Variants in ALMS1 observed in about 807,000 individuals in gnomAD.
ALMS1 encodes centrosome-associated protein ALMS1.
Under a neutral mutation model 352.2 loss-of-function variants are expected in ALMS1, and 271 were observed. The observed-to-expected ratio is 0.77, with a 90% CI of 0.70 to 0.85. The LOEUF is 0.85. ALMS1 is among the 40% of genes least tolerant of loss of function. The pLI is 0.00. For missense variants in ALMS1, 5,445 were observed against 4,870.7 expected (o/e 1.12, Z -3.51); for synonymous variants, 1,865 against 1,761.2 (o/e 1.06, Z -1.48).
At chr2:73,403,428 C>T (rs972860807) in intron 1 of ALMS1, among the ~76,000 whole-genome samples, 1 of 152,132 alleles carries the variant, frequency 6.6e-6, no homozygotes, top group African/African-American at 2.4e-5. Context: ...GTTTGGGTTA[C>T]TATAACTTTG....
intron 9 of ALMS1, among the ~76,000 whole-genome samples, chr2:73,460,473 C>G (rs1049411522): frequency 1.1e-4 from 17 of 152,208 alleles, no homozygotes; most frequent in Non-Finnish European, 1.9e-4. Context: ...CCAAGATGGC[C>G]AAATAGGAAC....
chr2:73,514,312 C>T (rs1295100661), intron 10 of ALMS1, among the ~76,000 whole-genome samples: 3 of 151,692 alleles, frequency 2.0e-5, no homozygotes, highest in Non-Finnish European at 2.9e-5. Context: ...CTATTGGCTT[C>T]TTTTACTTTT....
chr2:73,542,532 G>A (rs1477128723), intron 12 of ALMS1, among the ~76,000 whole-genome samples: 1 of 152,116 alleles, frequency 6.6e-6, no homozygotes, highest in African/African-American at 2.4e-5. Context: ...GGCAGGGGAA[G>A]GAAATAAAGG....
intron 16 of ALMS1, among the ~76,000 whole-genome samples, chr2:73,584,661 G>A (rs1675268061): frequency 6.6e-6 from 1 of 152,114 alleles, no homozygotes; most frequent in South Asian, 2.1e-4. Flanking sequence ...AGTTTGGAGG[G>A]AACAGGTGGT....
Position 73,599,438 on chromosome 2 carries a change from C to T in ALMS1, c.11585C>T (p.Ser3862Phe). 6.2e-7 allele frequency: 1 copy of T among 1,613,456 alleles called. No homozygotes were observed. Among genetic ancestry groups the T allele is most frequent in the Non-Finnish European group, 8.5e-7 (1 of 1,179,650 alleles). ...NHVISSDSIS[S>F]SASSFLSSNS... ...GTGATTTCTTCTGACTCTATTTCCTCTTCTGCCAGTAGTTTCCTGAGCTCA... is the reference window on the plus strand; with the variant it reads ...GTGATTTCTTCTGACTCTATTTCCTTTTCTGCCAGTAGTTTCCTGAGCTCA... Residue 3862 changes from serine to phenylalanine, a missense_variant, in exon 17 of 23, where the codon TCT (serine) becomes TTT (phenylalanine). Ser to Phe is a radical substitution (Grantham distance 155). Coordinates refer to ENST00000613296, the MANE Select transcript of ALMS1 (RefSeq NM_001378454.1).
Position 73,441,917 on chromosome 2 carries a change from A to G in ALMS1, c.1433-6043A>G, listed in dbSNP as rs13401988. Among the ~76,000 whole-genome samples, 258 of 152,254 alleles carry G rather than the reference A, an allele frequency of 1.7e-3. 1 individual carries two copies. The highest frequency in any genetic ancestry group is 5.8e-3 in the African/African-American group (242 of 41,544). ...TTGTCTTTGGTTGTTGGTAGAAATA[A>G]TCATATGGGGGAAGTGAGGTAAAGA... On this transcript the variant is annotated intron_variant, in intron 7 of 22. Transcript: ENST00000613296.
At chr2:73,519,663 C>T in intron 10 of ALMS1, 112 bp from the exon 11 acceptor site, 4 of 1,420,580 alleles carry the variant, frequency 2.8e-6, no homozygotes, top group Non-Finnish European at 3.9e-6. Context: ...GATGTGTCCA[C>T]AATATATTCC....
intron 10 of ALMS1, among the ~76,000 whole-genome samples, chr2:73,495,549 A>AT (rs1216621206): frequency 6.6e-6 from 1 of 152,012 alleles, no homozygotes; most frequent in African/African-American, 2.4e-5. Context: ...AAACCCTCTT[A>AT]TTTTTGAAGG....
intron 16 of ALMS1, among the ~76,000 whole-genome samples, chr2:73,581,421 C>T: frequency 6.6e-6 from 1 of 152,182 alleles, no homozygotes. Context: ...GAGCAGGTAC[C>T]TACATCAGGA....
intron 8 of ALMS1, chr2:73,454,428 C>T: frequency 1.1e-6 from 1 of 934,900 alleles, no homozygotes; most frequent in South Asian, 4.9e-5. Context: ...TCTAATCCTC[C>T]CATTATAGTA....
Position 73,490,460 on chromosome 2 carries a change from A to G in ALMS1, c.8501A>G (p.Lys2834Arg), listed in dbSNP as rs1672955488. 1 of 1,614,192 alleles carries G rather than the reference A, an allele frequency of 6.2e-7. No homozygotes were observed. The highest frequency in any genetic ancestry group is 8.5e-7 in the Non-Finnish European group (1 of 1,180,040). The change falls in exon 10 of 23, where the codon AAG (lysine) becomes AGG (arginine). Residue 2834 changes from lysine (K) to arginine (R), a missense_variant. Physicochemically the swap from Lys to Arg is conservative, Grantham distance 26. Transcript: ENST00000613296. ...PSTRANCSNF[K>R]EIQISDNHTL... ...ACCAGGGCAAATTGTAGCAATTTCA[A>G]GGAAATTCAGATTTCTGATAACCAT...
Position 73,386,119 on chromosome 2 carries a change from C to G in ALMS1, c.251C>G (p.Pro84Arg), listed in dbSNP as rs1025964615. 5 of 1,580,554 alleles carry G rather than the reference C, an allele frequency of 3.2e-6. No individual in the cohort carries two copies. The highest frequency in any genetic ancestry group is 2.3e-5 in the East Asian group (1 of 42,776). The change falls in exon 1 of 23, where the codon CCC (proline) becomes CGC (arginine). Residue 84 changes from proline to arginine, a missense_variant. By Grantham distance (103) the Pro-to-Arg change is moderately radical. Coordinates refer to ENST00000613296, the MANE Select transcript of ALMS1 (RefSeq NM_001378454.1). ...EEAKAWLQAH[P>R]GRILPPLSPP... ...GCCAAGGCCTGGCTGCAGGCGCACC[C>G]CGGCAGGATTTTGCCTCCGCTGTCG...
chr2:73,544,071 G>A (rs562140686), intron 12 of ALMS1, among the ~76,000 whole-genome samples: 1 of 152,300 alleles, frequency 6.6e-6, no homozygotes, highest in African/African-American at 2.4e-5. Flanking sequence ...GCACAGGTAT[G>A]TTTATTGCGG....
At chr2:73,534,154 G>A (rs1035829902) in intron 11 of ALMS1, among the ~76,000 whole-genome samples, 2 of 152,188 alleles carry the variant, frequency 1.3e-5, no homozygotes, top group South Asian at 4.1e-4. Context: ...ACTATATGCA[G>A]ACAACTTTGT....
At chr2:73,559,846 G>A (rs1014885049) in intron 15 of ALMS1, among the ~76,000 whole-genome samples, 1 of 152,164 alleles carries the variant, frequency 6.6e-6, no homozygotes, top group African/African-American at 2.4e-5. Flanking sequence ...GAATAAAGGT[G>A]GACCTTTTCT....
intron 9 of ALMS1, among the ~76,000 whole-genome samples, chr2:73,473,413 C>T (rs967529952): frequency 6.6e-6 from 1 of 152,008 alleles, no homozygotes; most frequent in Non-Finnish European, 1.5e-5. Context: ...ACAACACTTA[C>T]AACAAGCAGT....
At chr2:73,388,093 T>C (rs1670575346) in intron 1 of ALMS1, among the ~76,000 whole-genome samples, 3 of 152,044 alleles carry the variant, frequency 2.0e-5, no homozygotes, top group Non-Finnish European at 2.9e-5. Flanking sequence ...GTTTTGAAGA[T>C]TGAAGGAGAA....
chr2:73,493,533 A>G (rs1366730604), intron 10 of ALMS1, among the ~76,000 whole-genome samples: 2 of 152,008 alleles, frequency 1.3e-5, no homozygotes, highest in Non-Finnish European at 2.9e-5. Context: ...GACCAGCATG[A>G]TCAACATGGA....
At chr2:73,475,859 C>T (rs1428494026) in intron 9 of ALMS1, among the ~76,000 whole-genome samples, 1 of 151,838 alleles carries the variant, frequency 6.6e-6, no homozygotes, top group African/African-American at 2.4e-5. Context: ...ATCTGTGGTT[C>T]TATTTGAGGC....
Sources: allele counts gnomAD v4.1 joint callset (sites outside exome capture counted in the v4.1 genomes callset), GRCh38; gene constraint gnomAD v4.1.1; transcripts MANE v1.5; gene names NCBI Gene and HGNC (gene_info 2026-07-23, HGNC 2026-07-21).